Variants in NIBAN1 observed in about 807,000 individuals in gnomAD.
NIBAN1 encodes niban apoptosis regulator 1.
Under a neutral mutation model 75.1 loss-of-function variants are expected in NIBAN1, and 81 were observed. The ratio of observed to expected loss-of-function variants is 1.08; its 90% CI spans 0.90 to 1.30. The LOEUF is 1.30. Among genes scored for constraint, NIBAN1 ranks in the 50% most tolerant of loss-of-function variants. The pLI, the probability that NIBAN1 is intolerant of heterozygous loss-of-function variation, is 0.00. For missense variants in NIBAN1, 1,133 were observed against 1,128.1 expected, an observed-to-expected ratio of 1.00 and a Z score of -0.06; for synonymous variants, 436 against 424.8, an observed-to-expected ratio of 1.03 and a Z score of -0.32.
chr1:184,863,964 A>G (rs912303318), intron 5 of NIBAN1, among the ~76,000 whole-genome samples: 5 of 152,360 alleles, frequency 3.3e-5, no homozygotes, highest in Non-Finnish European at 7.4e-5. Flanking sequence ...CACTCAGTGT[A>G]TTACCTGGCA....
At chr1:184,864,988 C>CAAA (rs200197955) in intron 5 of NIBAN1, among the ~76,000 whole-genome samples, 17 of 61,252 alleles carry the variant, frequency 2.8e-4, no homozygotes, top group Admixed American at 1.1e-3. Flanking sequence ...CTAAAGAGGT[C>CAAA]AAAAAAAAAA....
At chr1:184,922,240 G>A (rs1221796788) in intron 1 of NIBAN1, among the ~76,000 whole-genome samples, 1 of 151,718 alleles carries the variant, frequency 6.6e-6, no homozygotes, top group Non-Finnish European at 1.5e-5. Flanking sequence ...TCCTTTCTTT[G>A]TGTTACAAAC....
chr1:184,807,974 AT>A, intron 10 of NIBAN1, 99 bp downstream of exon 10: 2 of 1,390,034 alleles, frequency 1.4e-6, no homozygotes, highest in Non-Finnish European at 1.0e-6. Flanking sequence ...GACGCGACGT[AT>A]TTCCCTGAGC....
intron 1 of NIBAN1, among the ~76,000 whole-genome samples, chr1:184,958,807 T>C (rs144350733): frequency 1.3e-5 from 2 of 152,358 alleles, no homozygotes; most frequent in Admixed American, 1.3e-4. Context: ...TCAATTATTG[T>C]TACTAATTTA....
chr1:184,912,994 C>T (rs1402750587), intron 1 of NIBAN1, among the ~76,000 whole-genome samples: 1 of 151,990 alleles, frequency 6.6e-6, no homozygotes, highest in African/African-American at 2.4e-5. Flanking sequence ...TCAGCAAGCC[C>T]TCCAAGTGAT....
chr1:184,853,883 T>C (rs1655607001), intron 5 of NIBAN1, among the ~76,000 whole-genome samples: 1 of 152,188 alleles, frequency 6.6e-6, no homozygotes, highest in African/African-American at 2.4e-5. Context: ...GACTCTAGAC[T>C]GGTGCTATTC....
chr1:184,947,438 G>C (rs556482873), intron 1 of NIBAN1, among the ~76,000 whole-genome samples: 2 of 152,210 alleles, frequency 1.3e-5, no homozygotes, highest in Non-Finnish European at 2.9e-5. Context: ...TGTTGGCGAT[G>C]ATGAAAACAT....
intron 3 of NIBAN1, among the ~76,000 whole-genome samples, chr1:184,893,146 TAGCTGTTCATTTCAAAGGG>T (rs1379851182): frequency 2.0e-5 from 3 of 152,156 alleles, no homozygotes; most frequent in African/African-American, 7.2e-5. Flanking sequence ...TGATAAATAG[TAGCTGTTCATTTCAAAGGG>T]AGCTTGAGGG....
At chr1:184,918,474 T>G (rs1657449506) in intron 1 of NIBAN1, among the ~76,000 whole-genome samples, 1 of 152,178 alleles carries the variant, frequency 6.6e-6, no homozygotes, top group Non-Finnish European at 1.5e-5. Context: ...CCTGTCCAGC[T>G]TCTCCTCTAT....
rs769689078 is a variant in NIBAN1, at chr1:184,831,903, G to A, written c.661C>T (p.Arg221Ter). Residue 221 changes from arginine (R) to a stop codon, truncating the protein, a stop_gained, in exon 6 of 14, where the codon CGA becomes TGA. Coordinates refer to ENST00000367511, the MANE Select transcript of NIBAN1 (RefSeq NM_052966.4). LOFTEE classifies it high-confidence loss of function. ...GAACCATAGTGACCCTTCTCCTGTC[G>A]GAAGAATTGCACAGCTTCTAAAAAG... Reference protein sequence around the residue: ...QAFLEAVQFFRQEKGHYGSWE... With the variant: ...QAFLEAVQFF 1.1e-5 allele frequency: 18 copies of A among 1,613,950 alleles called. No homozygotes were observed. Among genetic ancestry groups the A allele is most frequent in the African/African-American group, 4.0e-5 (3 of 74,900 alleles).
intron 5 of NIBAN1, among the ~76,000 whole-genome samples, chr1:184,880,156 C>T (rs1656339847): frequency 1.3e-5 from 2 of 152,216 alleles, no homozygotes; most frequent in Non-Finnish European, 1.5e-5. Context: ...ACCATTCATC[C>T]AGTGATGGCT....
intron 5 of NIBAN1, among the ~76,000 whole-genome samples, chr1:184,864,893 T>C (rs1414714908): frequency 2.7e-5 from 4 of 149,762 alleles, no homozygotes; most frequent in Non-Finnish European, 5.9e-5. Flanking sequence ...AAAAAAAACA[T>C]TGGCAGCATT....
At chr1:184,855,521 A>G (rs929449561) in intron 5 of NIBAN1, among the ~76,000 whole-genome samples, 1 of 152,004 alleles carries the variant, frequency 6.6e-6, no homozygotes, top group Non-Finnish European at 1.5e-5. Context: ...TAGGCTGGGC[A>G]TAGTTCTCTC....
rs749680749 is a variant in NIBAN1 at position 184,884,852 on chromosome 1, T to C, written c.434-52A>G. 20 of 1,587,978 alleles carry C rather than the reference T, an allele frequency of 1.3e-5. No individual in the cohort carries two copies. In the Middle Eastern group the frequency reaches 1.2e-3, roughly 93 times the overall value. ...CCTTTTAAAACATGTATCTTTTATTTCAAATGTGTGTTTCAGGTCGTGAGG... is the reference window on the plus strand; with the variant it reads ...CCTTTTAAAACATGTATCTTTTATTCCAAATGTGTGTTTCAGGTCGTGAGG... On this transcript the variant is annotated intron_variant, in intron 4 of 13. Coordinates refer to ENST00000367511, the MANE Select transcript of NIBAN1 (RefSeq NM_052966.4).
At chr1:184,969,697 T>C (rs1658886166) in intron 1 of NIBAN1, among the ~76,000 whole-genome samples, 1 of 151,692 alleles carries the variant, frequency 6.6e-6, no homozygotes, top group African/African-American at 2.4e-5. Context: ...TCTTTCTTTT[T>C]TTTTTTTTTT....
chr1:184,811,513 G>GTTTTTTTTTGT (rs1553215648), intron 9 of NIBAN1, among the ~76,000 whole-genome samples: 36 of 139,108 alleles, frequency 2.6e-4, no homozygotes, highest in Admixed American at 5.8e-4. Context: ...TTTTTTTTTT[G>GTTTTTTTTTGT]TTTTTTTTTT....
intron 5 of NIBAN1, among the ~76,000 whole-genome samples, chr1:184,881,704 C>T (rs1299413868): frequency 2.6e-5 from 4 of 152,142 alleles, no homozygotes; most frequent in Admixed American, 6.5e-5. Context: ...GGATTATTTA[C>T]GCCTCCCCTT....
chr1:184,805,570 G>A lies in NIBAN1; in HGVS notation c.1446+376C>T, dbSNP rs532285644. ...ATTTTTCAAAATCAATAAATTATTC[G>A]CCAGTTTAATGGATTTTACTATATT... is the stretch of plus-strand genomic sequence containing the variant. On this transcript the variant is annotated intron_variant, in intron 11 of 13. Coordinates refer to ENST00000367511, the MANE Select transcript of NIBAN1 (RefSeq NM_052966.4). Among the ~76,000 whole-genome samples, 60 of 152,178 alleles carry A rather than the reference G, an allele frequency of 3.9e-4. 1 individual carries two copies. The South Asian group carries it at 0.011, about 28-fold the overall frequency.
intron 1 of NIBAN1, among the ~76,000 whole-genome samples, chr1:184,971,460 A>G (rs1222478948): frequency 6.6e-6 from 1 of 151,982 alleles, no homozygotes; most frequent in Non-Finnish European, 1.5e-5. Flanking sequence ...TCACAAGGTC[A>G]GGAGATCGAA....
Sources: allele counts gnomAD v4.1 joint callset (sites outside exome capture counted in the v4.1 genomes callset), GRCh38; gene constraint gnomAD v4.1.1; transcripts MANE v1.5; gene names NCBI Gene and HGNC (gene_info 2026-07-23, HGNC 2026-07-21).